The following KLRG1 variants were observed in gnomAD, a reference collection of about 807,000 sequenced individuals.
The protein encoded by KLRG1 is killer cell lectin-like receptor subfamily G member 1.
KLRG1 carries 16 observed loss-of-function variants against 21.8 expected under a neutral mutation model. The observed-to-expected ratio is 0.73, with a 90% confidence interval of 0.50 to 1.11. KLRG1 has a LOEUF of 1.11. Among genes scored for constraint, KLRG1 ranks in the 50% most tolerant of loss-of-function variants. The pLI is 0.00. For missense variants in KLRG1, 173 were observed against 218.3 expected (o/e 0.79, Z 1.31); for synonymous variants, 69 against 75.9 (o/e 0.91, Z 0.47).
chr12:9,057,438 C>T, the KLRG1 span, among the ~76,000 whole-genome samples: 1 of 152,168 alleles, frequency 6.6e-6, no homozygotes, highest in East Asian at 1.9e-4. Flanking sequence ...GATGGCTACA[C>T]TCAAAGCCCA....
At chr12:9,094,224 T>G in the KLRG1 span, among the ~76,000 whole-genome samples, 10 of 151,812 alleles carry the variant, frequency 6.6e-5, no homozygotes, top group South Asian at 2.1e-4. Context: ...TAATAAAGAC[T>G]TTTTATTCTC....
At chr12:9,208,952 C>G in the KLRG1 span, among the ~76,000 whole-genome samples, 1 of 152,166 alleles carries the variant, frequency 6.6e-6, no homozygotes, top group African/African-American at 2.4e-5. Flanking sequence ...TATTTCACAG[C>G]ATTGACCTGA....
the KLRG1 span, chr12:9,069,658 G>T: frequency 1.1e-6 from 1 of 949,216 alleles, no homozygotes; most frequent in Non-Finnish European, 1.6e-6. Context: ...TGGAAGTGAT[G>T]TTTCTAAAAT....
chr12:9,150,130 T>A, the KLRG1 span, among the ~76,000 whole-genome samples: 1 of 152,234 alleles, frequency 6.6e-6, no homozygotes, highest in African/African-American at 2.4e-5. Flanking sequence ...GTCTTTCCTG[T>A]TATGTAATAT....
the KLRG1 span, among the ~76,000 whole-genome samples, chr12:9,092,214 A>G: frequency 6.6e-6 from 1 of 152,112 alleles, no homozygotes; most frequent in East Asian, 1.9e-4. Flanking sequence ...GGATAAAACC[A>G]GGTCTGAACA....
At chr12:9,158,440 G>A in the KLRG1 span, 10 of 1,614,172 alleles carry the variant, frequency 6.2e-6, no homozygotes, top group Non-Finnish European at 8.5e-6. Context: ...TTGTTGAGCA[G>A]TGACCCAGAG....
At chr12:9,027,903 C>T in the KLRG1 span, 1 of 870,710 alleles carries the variant, frequency 1.1e-6, no homozygotes, top group Non-Finnish European at 1.9e-6. Context: ...AGAACCATTT[C>T]GACCTCTTTG....
chr12:9,142,511 A>G, the KLRG1 span, among the ~76,000 whole-genome samples: 4 of 152,240 alleles, frequency 2.6e-5, no homozygotes, highest in African/African-American at 9.6e-5. Flanking sequence ...TAAAGATTAA[A>G]GTCACGTGAA....
chr12:9,157,619 T>C, the KLRG1 span: 1 of 762,984 alleles, frequency 1.3e-6, no homozygotes, highest in Non-Finnish European at 2.1e-6. Flanking sequence ...AAATCTCTCT[T>C]AATGCATCAA....
chr12:9,164,083 CA>C, the KLRG1 span: 2 of 1,548,570 alleles, frequency 1.3e-6, no homozygotes, highest in Non-Finnish European at 1.8e-6. Flanking sequence ...AGTACTCAGA[CA>C]GCCACCGTCC....
chr12:8,987,856 C>T (rs751408904), upstream of KLRG1, among the ~76,000 whole-genome samples: 3 of 152,276 alleles, frequency 2.0e-5, no homozygotes, highest in South Asian at 6.2e-4. Context: ...GACTAATATT[C>T]CATTGTATGT....
chr12:9,169,696 C>T, the KLRG1 span: 10 of 1,104,562 alleles, frequency 9.1e-6, no homozygotes, highest in Admixed American at 6.6e-5. Flanking sequence ...TTCTTGAGTA[C>T]GTTCATGTAG....
the KLRG1 span, among the ~76,000 whole-genome samples, chr12:9,139,613 G>A: frequency 2.6e-5 from 4 of 152,234 alleles, no homozygotes; most frequent in East Asian, 7.7e-4. Context: ...GTGTTCTACT[G>A]TTGGATGCAT....
At chr12:9,108,725 ACTTT>A in the KLRG1 span, among the ~76,000 whole-genome samples, 1 of 152,016 alleles carries the variant, frequency 6.6e-6, no homozygotes, top group African/African-American at 2.4e-5. Flanking sequence ...AGGAAACAAG[ACTTT>A]TCAAGGTTGG....
chr12:9,150,484 A>G, the KLRG1 span, among the ~76,000 whole-genome samples: 1 of 152,108 alleles, frequency 6.6e-6, no homozygotes, highest in Non-Finnish European at 1.5e-5. Flanking sequence ...GGGTTTTGCT[A>G]TGTTGGCCAG....
the KLRG1 span, among the ~76,000 whole-genome samples, chr12:9,031,772 C>A: frequency 6.6e-6 from 1 of 152,304 alleles, no homozygotes; most frequent in East Asian, 1.9e-4. Flanking sequence ...AAAGGTGGGA[C>A]AACTCAAAGC....
chr12:9,114,988 G>T, the KLRG1 span, among the ~76,000 whole-genome samples: 1 of 152,084 alleles, frequency 6.6e-6, no homozygotes, highest in East Asian at 1.9e-4. Flanking sequence ...GTGAATTTAT[G>T]CATCCATGGA....
the KLRG1 span, chr12:9,109,470 GGTTCCCTGTAACA>G: frequency 7.8e-7 from 1 of 1,279,414 alleles, no homozygotes; most frequent in East Asian, 2.4e-5. Context: ...CCTATTTTCA[GGTTCCCTGTAACA>G]GTTCCCTAAT....
the KLRG1 span, chr12:9,168,799 C>A: frequency 8.6e-7 from 1 of 1,169,214 alleles, no homozygotes; most frequent in Non-Finnish European, 1.3e-6. Context: ...TACATTACCT[C>A]ATTTTAGCAT....
Sources: allele counts gnomAD v4.1 joint callset (sites outside exome capture counted in the v4.1 genomes callset), GRCh38; gene constraint gnomAD v4.1.1; transcripts MANE v1.5; gene names NCBI Gene and HGNC (gene_info 2026-07-23, HGNC 2026-07-21).